Variants in HHAT observed in about 807,000 individuals in gnomAD.
The protein encoded by HHAT is protein-cysteine N-palmitoyltransferase HHAT.
HHAT carries 47 observed loss-of-function variants against 70.8 expected under a neutral mutation model. That is an observed-to-expected ratio of 0.66 (90% CI 0.53 to 0.85). HHAT has a LOEUF of 0.85. Among genes scored for constraint, HHAT ranks in the 40% least tolerant of loss-of-function variants. HHAT has a pLI of 0.00. For synonymous variants in HHAT, 228 were observed against 247.6 expected, an observed-to-expected ratio of 0.92 and a Z score of 0.74; for missense variants, 609 against 604.8, an observed-to-expected ratio of 1.01 and a Z score of -0.07.
Position 210,588,055 on chromosome 1 carries a change from G to A in HHAT, c.1201G>A (p.Gly401Arg), listed in dbSNP as rs1435366590. 1.2e-6 allele frequency: 2 copies of A among 1,612,926 alleles called. No individual in the cohort carries two copies. The highest frequency in any genetic ancestry group is 1.7e-6 in the Non-Finnish European group (2 of 1,179,742). ...LNWLGVTVEN[G>R]VRRLVETPCI... ...CTGGCTGGGAGTCACTGTGGAGAAT[G>A]GAGTCCGGAGGCTGGTGGAGACTCC... Residue 401 changes from glycine to arginine, a missense_variant, in exon 10 of 12, where the codon GGA becomes AGA. Gly to Arg is a moderately radical substitution (Grantham distance 125). Transcript: ENST00000261458.
At chr1:210,463,669 G>A (rs7528656) in intron 7 of HHAT, among the ~76,000 whole-genome samples, 98,181 of 152,002 alleles carry the variant, frequency 0.65, 32,371 homozygotes, top group African/African-American at 0.78. Context: ...TTGGTTATAT[G>A]ACAAGGAGTG....
At chr1:210,633,834 G>A (rs934575235) in intron 11 of HHAT, among the ~76,000 whole-genome samples, 2 of 152,164 alleles carry the variant, frequency 1.3e-5, no homozygotes, top group Admixed American at 6.5e-5. Flanking sequence ...GCTTGCTGGC[G>A]CATGTGCCCA....
chr1:210,345,628 TG>T lies in HHAT; in HGVS notation c.-43-3304del, dbSNP rs1190085707. 2.0e-5 allele frequency among the ~76,000 whole-genome samples: 3 copies of T among 152,394 alleles called. No individual in the cohort carries two copies. In the South Asian group the frequency reaches 6.2e-4, roughly 32 times the overall value. ...GTGTTTTGGTCTTTATTTAGATGTA[TG>T]ATGTTTTTGTGACCAGAAATATGCA... On this transcript the variant is annotated intron_variant, in intron 1 of 11. Coordinates refer to ENST00000261458, the MANE Select transcript of HHAT (RefSeq NM_018194.6).
intron 8 of HHAT, among the ~76,000 whole-genome samples, chr1:210,476,807 A>G (rs2094313028): frequency 6.6e-6 from 1 of 152,240 alleles, no homozygotes; most frequent in Admixed American, 6.5e-5. Flanking sequence ...AGCTTGTTAG[A>G]AATTCAGGAT....
chr1:210,425,705 G>A (rs145197982), intron 7 of HHAT, among the ~76,000 whole-genome samples: 9 of 151,784 alleles, frequency 5.9e-5, no homozygotes, highest in East Asian at 1.9e-4. Flanking sequence ...TCTATGTGTC[G>A]GTTTCTGTAT....
chr1:210,525,103 C>A (rs1234419653), intron 9 of HHAT, among the ~76,000 whole-genome samples: 1 of 151,978 alleles, frequency 6.6e-6, no homozygotes, highest in Admixed American at 6.6e-5. Flanking sequence ...AGGGCTTTGG[C>A]TCCTTCACTG....
chr1:210,565,133 C>A (rs1654360021), intron 9 of HHAT, among the ~76,000 whole-genome samples: 1 of 152,094 alleles, frequency 6.6e-6, no homozygotes, highest in South Asian at 2.1e-4. Context: ...GCAGAGTTAG[C>A]CTTAGTCGTG....
At chr1:210,558,784 C>T (rs1457405214) in intron 9 of HHAT, among the ~76,000 whole-genome samples, 1 of 152,074 alleles carries the variant, frequency 6.6e-6, no homozygotes, top group African/African-American at 2.4e-5. Context: ...GCCAGTTATT[C>T]TTGAGGCCAG....
chr1:210,602,161 G>A (rs1029795135), intron 10 of HHAT, among the ~76,000 whole-genome samples: 1 of 152,124 alleles, frequency 6.6e-6, no homozygotes, highest in African/African-American at 2.4e-5. Context: ...ATGCTACTCA[G>A]GGGTCGAGTA....
intron 11 of HHAT, among the ~76,000 whole-genome samples, chr1:210,668,037 C>G (rs1196621497): frequency 6.6e-6 from 1 of 152,130 alleles, no homozygotes; most frequent in African/African-American, 2.4e-5. Flanking sequence ...TTTGATTACT[C>G]TACATATTTC....
intron 7 of HHAT, among the ~76,000 whole-genome samples, chr1:210,439,255 T>TG (rs1558518678): frequency 6.6e-6 from 1 of 151,810 alleles, no homozygotes; most frequent in Admixed American, 6.6e-5. Flanking sequence ...TGAGCTCTCT[T>TG]GGGGGCATAA....
At chr1:210,451,659 C>A (rs921967086) in intron 7 of HHAT, among the ~76,000 whole-genome samples, 1 of 152,124 alleles carries the variant, frequency 6.6e-6, no homozygotes, top group African/African-American at 2.4e-5. Context: ...GCTAACTACA[C>A]CCTTGAACTC....
At chr1:210,580,067 C>A (rs184002075) in intron 9 of HHAT, among the ~76,000 whole-genome samples, 11 of 152,090 alleles carry the variant, frequency 7.2e-5, no homozygotes, top group South Asian at 2.1e-4. Flanking sequence ...TTTTATAAAC[C>A]CTACAATGTT....
intron 9 of HHAT, among the ~76,000 whole-genome samples, chr1:210,525,548 C>A (rs6688862): frequency 0.41 from 62,245 of 152,024 alleles, 13,250 homozygotes; most frequent in Middle Eastern, 0.47. Flanking sequence ...CTTGCTGTTA[C>A]CACTTTTGAG....
chr1:210,366,770 C>T (rs573670507), intron 3 of HHAT, among the ~76,000 whole-genome samples: 16 of 152,310 alleles, frequency 1.1e-4, no homozygotes, highest in African/African-American at 2.9e-4. Context: ...TTGGTCATGC[C>T]GATTTGCCAT....
At chr1:210,381,116 A>G (rs1307936974) in intron 3 of HHAT, among the ~76,000 whole-genome samples, 1 of 152,084 alleles carries the variant, frequency 6.6e-6, no homozygotes, top group Admixed American at 6.6e-5. Flanking sequence ...GGTCTAGCAT[A>G]TAGTACGGGG....
intron 8 of HHAT, among the ~76,000 whole-genome samples, chr1:210,497,459 T>G (rs1020226439): frequency 3.8e-4 from 58 of 152,272 alleles, no homozygotes; most frequent in African/African-American, 1.4e-3. Context: ...AACTTGAAAC[T>G]GTGGCAGTTT....
chr1:210,547,801 C>T (rs1401546443), intron 9 of HHAT, among the ~76,000 whole-genome samples: 6 of 152,140 alleles, frequency 3.9e-5, no homozygotes, highest in Non-Finnish European at 8.8e-5. Flanking sequence ...AGAACCTCAC[C>T]GAACAACCTA....
intron 7 of HHAT, among the ~76,000 whole-genome samples, chr1:210,440,849 G>C (rs1275266358): frequency 1.3e-5 from 2 of 152,188 alleles, no homozygotes; most frequent in East Asian, 1.9e-4. Flanking sequence ...ATGCTGACGG[G>C]TACTGAGTAT....
Sources: allele counts gnomAD v4.1 joint callset (sites outside exome capture counted in the v4.1 genomes callset), GRCh38; gene constraint gnomAD v4.1.1; transcripts MANE v1.5; gene names NCBI Gene and HGNC (gene_info 2026-07-23, HGNC 2026-07-21).